ARHGAP23: variants seen among roughly 807,000 people sequenced by gnomAD.
ARHGAP23 encodes Rho GTPase activating protein 23, also known as rho GTPase-activating protein 23.
A neutral mutation model predicts 136.3 loss-of-function variants in ARHGAP23; 34 were observed. That is an observed-to-expected ratio of 0.25 (90% CI 0.19 to 0.33). ARHGAP23 has a LOEUF of 0.33. Among genes scored for constraint, ARHGAP23 ranks in the 10% least tolerant of loss-of-function variants. The pLI is 1.00. For synonymous variants in ARHGAP23, 832 were observed against 920.5 expected (o/e 0.90, Z 1.74); for missense variants, 1,808 against 2,139.0 (o/e 0.85, Z 3.05).
rs568495552 is a variant in ARHGAP23, at chr17:38,464,963, CCCT to C, written c.484-1195_484-1193del. On this transcript the variant is annotated intron_variant, in intron 6 of 23. Coordinates refer to ENST00000622683, the MANE Select transcript of ARHGAP23 (RefSeq NM_001199417.2). ...GGCCCCTCCACACCCATCCTCTCCT[CCCT>C]CCTCCTCCCGCCAGCCAGCCGAGAG... Among the ~76,000 whole-genome samples, 45 of 152,294 alleles carry C rather than the reference CCCT, an allele frequency of 3.0e-4. No homozygotes were observed. In the East Asian group the frequency reaches 7.0e-3, roughly 24 times the overall value.
intron 1 of ARHGAP23, among the ~76,000 whole-genome samples, chr17:38,442,807 G>A (rs555214964): frequency 1.4e-4 from 21 of 152,220 alleles, no homozygotes; most frequent in Admixed American, 2.6e-4. Flanking sequence ...GGGCCAAGGC[G>A]CGTCCCACAG....
At chr17:38,469,673 G>A (rs1349152522) in intron 9 of ARHGAP23, 38 bp downstream of exon 9, 2 of 1,538,936 alleles carry the variant, frequency 1.3e-6, no homozygotes, top group Non-Finnish European at 1.8e-6. Flanking sequence ...GGTGGCCACA[G>A]CCACCGTGGC....
chr17:38,479,922 G>A (rs1177017150), intron 14 of ARHGAP23, 39 bp downstream of exon 14: 5 of 1,509,822 alleles, frequency 3.3e-6, no homozygotes, highest in Non-Finnish European at 4.5e-6. Flanking sequence ...GTGTGTGGGG[G>A]CAGGGGGCAT....
chr17:38,458,087 C>T lies in ARHGAP23; in HGVS notation c.64-15C>T, dbSNP rs947528692. 6.5e-7 allele frequency: 1 copy of T among 1,535,922 alleles called. No homozygotes were observed. The highest frequency in any genetic ancestry group is 8.7e-7 in the Non-Finnish European group (1 of 1,146,848). The stretch of plus-strand genomic sequence containing the variant: ...GCCACACGGGCGCTCAGCCTGGCCT[C>T]TCTGTCTCCCACAGCTGCCACTGGG... On this transcript the variant is annotated splice_polypyrimidine_tract_variant and intron_variant, in intron 1 of 23. Transcript: ENST00000622683.
At chr17:38,461,323 G>A (rs1030181832) in intron 3 of ARHGAP23, among the ~76,000 whole-genome samples, 1 of 152,214 alleles carries the variant, frequency 6.6e-6, no homozygotes, top group African/African-American at 2.4e-5. Context: ...CTGAGCAAAG[G>A]CTGTCCTTGG....
At chr17:38,456,400 T>A (rs1026412795) in intron 1 of ARHGAP23, among the ~76,000 whole-genome samples, 4 of 152,300 alleles carry the variant, frequency 2.6e-5, no homozygotes, top group Non-Finnish European at 4.4e-5. Flanking sequence ...CAAAAGGGGA[T>A]GTTGCTAGTG....
intron 23 of ARHGAP23, 22 bp downstream of exon 23, chr17:38,500,650 A>G (rs1341471122): frequency 1.2e-5 from 19 of 1,546,694 alleles, no homozygotes; most frequent in Non-Finnish European, 1.7e-5. Flanking sequence ...GGCAATTCTG[A>G]AGGCTTGATC....
chr17:38,446,614 T>G (rs2039040762), intron 1 of ARHGAP23, among the ~76,000 whole-genome samples: 1 of 150,314 alleles, frequency 6.7e-6, no homozygotes, highest in African/African-American at 2.5e-5. Context: ...GTTTAATTTT[T>G]TTTTTTTTTT....
chr17:38,501,373 C>T (rs2040516219), intron 23 of ARHGAP23, among the ~76,000 whole-genome samples: 1 of 152,108 alleles, frequency 6.6e-6, no homozygotes, highest in Admixed American at 6.6e-5. Context: ...ACCATCTCGG[C>T]TCACTGCAAG....
intron 1 of ARHGAP23, among the ~76,000 whole-genome samples, chr17:38,434,845 G>A (rs1288097958): frequency 6.6e-6 from 1 of 152,256 alleles, no homozygotes; most frequent in Non-Finnish European, 1.5e-5. Flanking sequence ...AGAGCTCTTG[G>A]GAGGAGGGAG....
chr17:38,448,262 G>C (rs753376933), intron 1 of ARHGAP23, among the ~76,000 whole-genome samples: 2 of 152,122 alleles, frequency 1.3e-5, no homozygotes, highest in Non-Finnish European at 2.9e-5. Flanking sequence ...AGCTTGCCTG[G>C]GTCTATGAGC....
Position 38,482,604 on chromosome 17 carries a change from G to A in ARHGAP23, c.2833G>A (p.Gly945Ser), listed in dbSNP as rs760996561. The change falls in exon 16 of 24, where the codon GGC becomes AGC. Residue 945 changes from glycine (G) to serine (S), a missense_variant. Physicochemically the swap from Gly to Ser is moderately conservative, Grantham distance 56. Around this residue, in one of 7 missense-constraint regions of ARHGAP23, gnomAD observed 105 missense variants for 200.6 expected, o/e 0.52. Transcript: ENST00000622683. ...LESTGIYRVP[G>S]NNAVVSSLQE... ...GTCCACAGGCATTTACCGAGTGCCCGGCAACAATGCAGTGGTGTCCAGCCT... is the reference window on the plus strand; with the variant it reads ...GTCCACAGGCATTTACCGAGTGCCCAGCAACAATGCAGTGGTGTCCAGCCT... The A allele has an allele frequency of 6.5e-7, 1 of 1,550,080 alleles. No homozygotes were observed. The highest frequency in any genetic ancestry group is 1.2e-5 in the South Asian group (1 of 83,990).
intron 17 of ARHGAP23, 54 bp from the exon 18 acceptor site, chr17:38,490,048 G>A (rs1296666873): frequency 1.1e-5 from 17 of 1,519,350 alleles, no homozygotes; most frequent in South Asian, 7.2e-5. Flanking sequence ...TTGGCCGGGA[G>A]AACAGGGGAA....
chr17:38,476,673 G>A (rs2039898949), intron 11 of ARHGAP23, among the ~76,000 whole-genome samples: 1 of 152,206 alleles, frequency 6.6e-6, no homozygotes, highest in African/African-American at 2.4e-5. Context: ...GAGGAGAGGA[G>A]AGGAGAGTCA....
Position 38,491,441 on chromosome 17 carries a change from C to T in ARHGAP23, c.3185C>T (p.Pro1062Leu), listed in dbSNP as rs1343910989. 7 of 1,549,530 alleles carry T rather than the reference C, an allele frequency of 4.5e-6. No individual in the cohort carries two copies. The highest frequency in any genetic ancestry group is 2.4e-5 in the East Asian group (1 of 40,934). ...EPRNLALVFG[P>L]TLVRTSEDNM... is the part of the protein sequence containing the mutation. The stretch of plus-strand genomic sequence containing the variant: ...CGGAACCTGGCCCTGGTCTTTGGGC[C>T]GACACTGGTGAGGACGTCTGAGGAC... The change falls in exon 20 of 24, where the codon CCG becomes CTG. Residue 1062 changes from proline (P) to leucine (L), a missense_variant. By Grantham distance (98) the Pro-to-Leu change is moderately conservative. Coordinates refer to ENST00000622683, the MANE Select transcript of ARHGAP23 (RefSeq NM_001199417.2).
chr17:38,480,858 G>T (rs1056881778), intron 14 of ARHGAP23, among the ~76,000 whole-genome samples: 1 of 151,378 alleles, frequency 6.6e-6, no homozygotes, highest in Non-Finnish European at 1.5e-5. Context: ...CAGCAGACAT[G>T]GTGGCTGACA....
rs894099362 is a variant in ARHGAP23 at position 38,466,969 on chromosome 17, G to A, written c.1286G>A (p.Arg429Gln). The A allele has an allele frequency of 8.4e-6, 13 of 1,550,408 alleles. No homozygotes were observed. Among genetic ancestry groups the A allele is most frequent in the South Asian group, 4.8e-5 (4 of 84,072 alleles). Reference protein sequence around the residue: ...YRSYSPSFQRRTGLLHALSFR... With the variant: ...YRSYSPSFQRQTGLLHALSFR... ...AGCTACAGCCCATCATTCCAGCGCC[G>A]GACCGGCCTCCTCCATGCGCTCTCC... is the stretch of plus-strand genomic sequence containing the variant. The change falls in exon 7 of 24, where the codon CGG becomes CAG. Residue 429 changes from arginine to glutamine, a missense_variant. By Grantham distance (43) the Arg-to-Gln change is conservative. Around this residue, in one of 7 missense-constraint regions of ARHGAP23, gnomAD observed 859 missense variants for 936.4 expected, o/e 0.92. Transcript: ENST00000622683.
Position 38,453,223 on chromosome 17 carries a change from T to G in ARHGAP23, c.64-4879T>G, listed in dbSNP as rs569949342. 5.9e-5 allele frequency among the ~76,000 whole-genome samples: 9 copies of G among 151,998 alleles called. No homozygotes were observed. In the South Asian group the frequency reaches 1.9e-3, roughly 32 times the overall value. On this transcript the variant is annotated intron_variant, in intron 1 of 23. Transcript: ENST00000622683. ...ATGTCTGAGGTGTGTGTATACGATG[T>G]GGAAGAGTGTCCTGTGTGTGTGGGG...
chr17:38,509,828 C>T (rs2040714354), intron 23 of ARHGAP23, 116 bp from the exon 24 acceptor site: 1 of 834,040 alleles, frequency 1.2e-6, no homozygotes, highest in Non-Finnish European at 1.6e-6. Flanking sequence ...GGGTGCTGGC[C>T]TTGGCTGGGG....
Sources: allele counts gnomAD v4.1 joint callset (sites outside exome capture counted in the v4.1 genomes callset), GRCh38; gene constraint gnomAD v4.1.1; regional missense constraint gnomAD v4.1.1; transcripts MANE v1.5; gene names NCBI Gene and HGNC (gene_info 2026-07-23, HGNC 2026-07-21).